The following GPR107 variants were observed in gnomAD, a reference collection of about 807,000 sequenced individuals.
GPR107 encodes the protein G protein-coupled receptor 107, also known as protein GPR107.
Under a neutral mutation model 75.5 loss-of-function variants are expected in GPR107, and 31 were observed. The ratio of observed to expected loss-of-function variants is 0.41; its 90% CI spans 0.31 to 0.55. GPR107 has a LOEUF of 0.55. Among genes scored for constraint, GPR107 ranks in the 20% least tolerant of loss-of-function variants. The pLI is 0.26. For missense variants in GPR107, 572 were observed against 665.7 expected (o/e 0.86, Z 1.55); for synonymous variants, 267 against 251.3 (o/e 1.06, Z -0.59).
chr9:130,104,345 A>G, intron 12 of GPR107, 75 bp from the exon 13 acceptor site: 1 of 1,391,454 alleles, frequency 7.2e-7, no homozygotes, highest in Non-Finnish European at 1.0e-6. Context: ...CAAGGTGTAC[A>G]CCCCACATTG....
intron 13 of GPR107, among the ~76,000 whole-genome samples, chr9:130,106,178 C>T (rs866261936): frequency 3.9e-5 from 6 of 152,190 alleles, no homozygotes; most frequent in Non-Finnish European, 8.8e-5. Context: ...GCAGCCATTT[C>T]CTGCCCCTTG....
At chr9:130,057,189 T>C (rs1829813555) in intron 1 of GPR107, among the ~76,000 whole-genome samples, 1 of 152,006 alleles carries the variant, frequency 6.6e-6, no homozygotes, top group Admixed American at 6.6e-5. Flanking sequence ...ACCAGGAGTA[T>C]GCGTTGATCT....
intron 1 of GPR107, among the ~76,000 whole-genome samples, chr9:130,063,143 A>T (rs1307572990): frequency 6.6e-6 from 1 of 152,102 alleles, no homozygotes; most frequent in Non-Finnish European, 1.5e-5. Flanking sequence ...AAGTGTGAAT[A>T]TCTATTAAGC....
chr9:130,076,361 G>T (rs776362152), intron 2 of GPR107, 51 bp from the exon 3 acceptor site: 1 of 1,106,662 alleles, frequency 9.0e-7, no homozygotes, highest in South Asian at 1.3e-5. Context: ...AGTAAGAAAA[G>T]TATGGACAAT....
chr9:130,064,777 G>GGCGCAGAGGCAC (rs1031653593), intron 1 of GPR107, among the ~76,000 whole-genome samples: 1 of 152,250 alleles, frequency 6.6e-6, no homozygotes, highest in Non-Finnish European at 1.5e-5. Flanking sequence ...AAGTGGAGAG[G>GGCGCAGAGGCAC]GCGCAGAGGC....
chr9:130,128,664 GTCT>G lies in GPR107; in HGVS notation c.1470_1472del (p.Phe491del), dbSNP rs2132655054. 4 of 1,611,646 alleles carry G rather than the reference GTCT, an allele frequency of 2.5e-6. No homozygotes were observed. The highest frequency in any genetic ancestry group is 1.1e-5 in the South Asian group (1 of 91,030). On this transcript the variant is annotated inframe_deletion, in exon 17 of 18. Coordinates refer to ENST00000347136, the MANE Select transcript of GPR107 (RefSeq NM_020960.5). ...GCTCCTGGATGAAACGGCCACACTGGTCTTCTTTGTTCTAACGGGGTATAAATT... is the reference window on the plus strand; with the variant it reads ...GCTCCTGGATGAAACGGCCACACTGGTCTTTGTTCTAACGGGGTATAAATT...
At chr9:130,063,479 C>T (rs1033801554) in intron 1 of GPR107, among the ~76,000 whole-genome samples, 15 of 152,186 alleles carry the variant, frequency 9.9e-5, no homozygotes, top group Admixed American at 5.2e-4. Flanking sequence ...CATGAGCCAC[C>T]GTACCCGGCT....
rs1264180904 is a variant in GPR107 at position 130,103,982 on chromosome 9, C to CG, written c.1132-437dup. On this transcript the variant is annotated intron_variant, in intron 12 of 17. Transcript: ENST00000347136. The surrounding 1 kb of genome is among the most constrained non-coding windows in gnomAD (Gnocchi z 4.3). ...CTGGGAGCATCTTGAAGTCTCCACTCGCATCTGTCTTCTGGGCTGAGAAGC... is the reference window on the plus strand; with the variant it reads ...CTGGGAGCATCTTGAAGTCTCCACTCGGCATCTGTCTTCTGGGCTGAGAAGC... 6.6e-6 allele frequency among the ~76,000 whole-genome samples: 1 copy of CG among 152,124 alleles called. No homozygotes were observed. Among genetic ancestry groups the CG allele is most frequent in the Non-Finnish European group, 1.5e-5 (1 of 68,032 alleles).
chr9:130,106,334 C>T (rs1291746224), intron 13 of GPR107, among the ~76,000 whole-genome samples: 1 of 151,976 alleles, frequency 6.6e-6, no homozygotes, highest in Non-Finnish European at 1.5e-5. Context: ...CGCGGTGGTT[C>T]ACGCCTGTAA....
At chr9:130,096,898 G>A (rs1830887655) in intron 9 of GPR107, among the ~76,000 whole-genome samples, 1 of 152,160 alleles carries the variant, frequency 6.6e-6, no homozygotes, top group African/African-American at 2.4e-5. Flanking sequence ...TAGCCATGTG[G>A]CTGAGTGTGC....
chr9:130,087,280 C>A (rs756423974), intron 7 of GPR107, among the ~76,000 whole-genome samples: 5 of 152,094 alleles, frequency 3.3e-5, no homozygotes, highest in Non-Finnish European at 7.4e-5. Flanking sequence ...TCAAGCAGTC[C>A]TCTTACCTGG....
At position 130,137,366 on chromosome 9, in the gene GPR107, GCTCA is replaced by G. The variant is rs1554900129; in HGVS notation, c.*2251_*2254del. ...GTTCAGATTCCACGCGTATGTCTGG[GCTCA>G]CTCACAGCATGGCCGAGTGTCTGCA... On this transcript the variant is annotated 3_prime_UTR_variant, in exon 18 of 18. Transcript: ENST00000347136. 1 of 152,292 alleles carries G rather than the reference GCTCA, an allele frequency of 6.6e-6. No individual in the cohort carries two copies. The highest frequency in any genetic ancestry group is 1.5e-5 in the Non-Finnish European group (1 of 68,090). 9.4% of individuals were successfully genotyped at this position (152,292 alleles called of 1,614,324 possible). A position where few individuals can be genotyped will look rare whatever the true frequency, so the allele number is the denominator to read the frequency against.
intron 1 of GPR107, among the ~76,000 whole-genome samples, chr9:130,063,347 C>T (rs751208299): frequency 2.6e-5 from 4 of 152,078 alleles, no homozygotes; most frequent in Non-Finnish European, 5.9e-5. Context: ...TTTGCCACCA[C>T]ATCCGGCAAA....
At chr9:130,072,548 C>T (rs1436458986) in intron 1 of GPR107, among the ~76,000 whole-genome samples, 1 of 152,082 alleles carries the variant, frequency 6.6e-6, no homozygotes, top group Non-Finnish European at 1.5e-5. Flanking sequence ...CTCAGGTGAT[C>T]TGCCTGCTTT....
chr9:130,101,094 TTTCTC>T lies in GPR107; in HGVS notation c.1014-8_1014-4del, dbSNP rs768908149. On this transcript the variant is annotated splice_region_variant and splice_polypyrimidine_tract_variant and intron_variant, in intron 11 of 17. Coordinates refer to ENST00000347136, the MANE Select transcript of GPR107 (RefSeq NM_020960.5). ...AGACCTGCTGGTGTCTGTTCCTTGT[TTTCTC>T]TTCCAGTTTGAAAGGGGCGCTACTC... The T allele has an allele frequency of 2.7e-6, 4 of 1,499,940 alleles. No individual in the cohort carries two copies. In the South Asian group the frequency reaches 3.4e-5, roughly 13 times the overall value. The allele number at this position is 1,499,940 out of a possible 1,614,324, so 92.9% of individuals were successfully genotyped here.
At chr9:130,099,328 A>AT in intron 9 of GPR107, 129 bp from the exon 10 acceptor site, 1 of 586,082 alleles carries the variant, frequency 1.7e-6, no homozygotes, top group Non-Finnish European at 3.0e-6. Context: ...AAAAAAAAAA[A>AT]GTTTCATGTT....
At chr9:130,073,532 G>A (rs35465325) in intron 1 of GPR107, among the ~76,000 whole-genome samples, 11,889 of 152,080 alleles carry the variant, frequency 0.078, 596 homozygotes, top group Admixed American at 0.13. Context: ...TGAGAATGTT[G>A]GTTTGCTGCA....
At chr9:130,068,991 C>T (rs911114589) in intron 1 of GPR107, among the ~76,000 whole-genome samples, 6 of 152,080 alleles carry the variant, frequency 3.9e-5, no homozygotes, top group Non-Finnish European at 5.9e-5. Context: ...CTGCCTGCCT[C>T]GGCCTCCCAA....
chr9:130,085,722 C>G (rs1366232956), intron 6 of GPR107, among the ~76,000 whole-genome samples: 1 of 133,014 alleles, frequency 7.5e-6, no homozygotes, highest in Non-Finnish European at 1.6e-5. Flanking sequence ...CTTTTCATTG[C>G]TCAGTTTTAC....
Sources: allele counts gnomAD v4.1 joint callset (sites outside exome capture counted in the v4.1 genomes callset), GRCh38; gene constraint gnomAD v4.1.1; non-coding constraint Gnocchi (gnomAD v3.1); transcripts MANE v1.5; gene names NCBI Gene and HGNC (gene_info 2026-07-23, HGNC 2026-07-21).